The following SETX variants were observed in gnomAD, a reference collection of about 807,000 sequenced individuals.
SETX encodes senataxin.
A neutral mutation model predicts 227.2 loss-of-function variants in SETX; 90 were observed. That is an observed-to-expected ratio of 0.40 (90% confidence interval 0.33 to 0.47). The LOEUF (loss-of-function observed/expected upper bound fraction) is 0.47. Among genes scored for constraint, SETX ranks in the 20% least tolerant of loss-of-function variants. The pLI, the probability that SETX is intolerant of heterozygous loss-of-function variation, is 0.91. For missense variants in SETX, 3,052 were observed against 3,181.5 expected, an observed-to-expected ratio of 0.96 and a Z score of 0.98; for synonymous variants, 1,210 against 1,113.2, an observed-to-expected ratio of 1.09 and a Z score of -1.73.
At position 132,286,111 on chromosome 9, in the gene SETX, A is replaced by G. The variant is rs1843866454; in HGVS notation, c.6396+312T>C. ...GGCAGGAGAATCGCTTGAACCCGGGAGGCAGAGGTTGCAGTGAGCCAAGAT... is the reference window on the plus strand; with the variant it reads ...GGCAGGAGAATCGCTTGAACCCGGGGGGCAGAGGTTGCAGTGAGCCAAGAT... On this transcript the variant is annotated intron_variant, in intron 18 of 25. Coordinates refer to ENST00000224140, the MANE Select transcript of SETX (RefSeq NM_015046.7). 2.0e-5 allele frequency among the ~76,000 whole-genome samples: 3 copies of G among 148,526 alleles called. 1 individual carries two copies. In the Admixed American group the frequency reaches 2.1e-4, roughly 10 times the overall value.
chr9:132,330,547 G>T, intron 9 of SETX, 48 bp from the exon 10 acceptor site: 1 of 1,537,838 alleles, frequency 6.5e-7, no homozygotes, highest in Non-Finnish European at 8.9e-7. Context: ...CACCACTTAT[G>T]ACAGGTTCAA....
chr9:132,353,334 G>C (rs1184835), intron 2 of SETX, among the ~76,000 whole-genome samples: 3 of 151,790 alleles, frequency 2.0e-5, no homozygotes, highest in Non-Finnish European at 2.9e-5. Flanking sequence ...ACCTCTGCCC[G>C]GTACTTAACT....
chr9:132,283,237 A>AAGTTGTAT, intron 19 of SETX, 27 bp downstream of exon 19: 1 of 1,614,162 alleles, frequency 6.2e-7, no homozygotes. Context: ...GTAGTAGTCA[A>AAGTTGTAT]AGTTGTATGG....
intron 15 of SETX, among the ~76,000 whole-genome samples, chr9:132,289,658 C>A (rs566926855): frequency 3.2e-4 from 48 of 152,218 alleles, no homozygotes; most frequent in African/African-American, 1.1e-3. Context: ...GACCATCGAG[C>A]CTTCTTTTGC....
intron 3 of SETX, among the ~76,000 whole-genome samples, chr9:132,347,738 C>T (rs1324246170): frequency 6.6e-6 from 1 of 151,676 alleles, no homozygotes; most frequent in East Asian, 1.9e-4. Context: ...CTATGTCTTC[C>T]CTTCTATGTT....
chr9:132,352,510 G>T (rs1401078305), intron 2 of SETX, among the ~76,000 whole-genome samples: 2 of 152,156 alleles, frequency 1.3e-5, no homozygotes, highest in African/African-American at 4.8e-5. Context: ...CCAGCACTCT[G>T]GGAGGCCGAG....
upstream of SETX, among the ~76,000 whole-genome samples, chr9:132,356,377 T>C (rs916867727): frequency 2.0e-5 from 3 of 151,988 alleles, no homozygotes; most frequent in Non-Finnish European, 4.4e-5. Flanking sequence ...AATGTTCATG[T>C]TTTTAGTAGA....
At chr9:132,276,267 T>C (rs1480429605) in intron 22 of SETX, among the ~76,000 whole-genome samples, 1 of 152,204 alleles carries the variant, frequency 6.6e-6, no homozygotes, top group Non-Finnish European at 1.5e-5. Flanking sequence ...CGCAATCCTC[T>C]GCTCTCCTCC....
At chr9:132,304,640 AAAAAAAAG>A (rs1845215308) in intron 11 of SETX, among the ~76,000 whole-genome samples, 1 of 151,758 alleles carries the variant, frequency 6.6e-6, no homozygotes, top group African/African-American at 2.4e-5. Context: ...TTCAAAAAAA[AAAAAAAAG>A]AAAGAAAGAA....
At position 132,270,179 on chromosome 9, in the gene SETX, C is replaced by T. The variant is rs536845108; in HGVS notation, c.7200-477G>A. Among the ~76,000 whole-genome samples, 10 of 146,894 alleles carry T rather than the reference C, an allele frequency of 6.8e-5. No homozygotes were observed. In the East Asian group the frequency reaches 2.1e-3, roughly 30 times the overall value. On this transcript the variant is annotated intron_variant, in intron 24 of 25. Transcript: ENST00000224140. ...CATCCTCATGTGAGACACAGGTGGA[C>T]TCTAGAATGACTCAGCGTGCCCATG...
Position 132,300,714 on chromosome 9 carries a change from T to C in SETX, c.5464A>G (p.Lys1822Glu), listed in dbSNP as rs1249423284. The C allele has an allele frequency of 6.2e-7, 1 of 1,613,680 alleles. No homozygotes were observed. The highest frequency in any genetic ancestry group is 2.2e-5 in the East Asian group (1 of 44,818). Reference sequence around the variant, plus strand: ...ATGTCATTTCTCTCTGTATCTTTCTTCTCTTCATTTATTCTCTCAGGAGCT... The same window carrying C: ...ATGTCATTTCTCTCTGTATCTTTCTCCTCTTCATTTATTCTCTCAGGAGCT... ...FLAPERINEE[K>E]KDTERNDIQD... The change falls in exon 12 of 26, where the codon AAG becomes GAG. Residue 1822 changes from lysine to glutamate, a missense_variant. Physicochemically the swap from Lys to Glu is moderately conservative, Grantham distance 56. Around this residue, in one of 10 missense-constraint regions of SETX, gnomAD observed 239 missense variants for 272.1 expected, o/e 0.88. Transcript: ENST00000224140.
At chr9:132,268,836 A>G (rs535355798) in intron 25 of SETX, among the ~76,000 whole-genome samples, 1 of 152,322 alleles carries the variant, frequency 6.6e-6, no homozygotes, top group East Asian at 1.9e-4. Flanking sequence ...AGCTTTTAAA[A>G]CTTCCTTCAG....
chr9:132,288,586 T>G lies in SETX; in HGVS notation c.6172A>C (p.Lys2058Gln), dbSNP rs747309962. 4.8e-5 allele frequency: 77 copies of G among 1,613,880 alleles called. No homozygotes were observed. Among genetic ancestry groups the G allele is most frequent in the Non-Finnish European group, 6.4e-5 (76 of 1,179,858 alleles). ...TTTACTTGGCTGTCCAAACTGAACTTTAGAACCTCACTATTAATAGACTTT... is the reference window on the plus strand; with the variant it reads ...TTTACTTGGCTGTCCAAACTGAACTGTAGAACCTCACTATTAATAGACTTT... ...PEKSINSEVLKFSLDSQVNHR... is the reference protein window; with the variant it reads ...PEKSINSEVLQFSLDSQVNHR... The change falls in exon 16 of 26, where the codon AAG becomes CAG. Residue 2058 changes from lysine to glutamine, a missense_variant. By Grantham distance (53) the Lys-to-Gln change is moderately conservative (BLOSUM62 1). Transcript: ENST00000224140.
chr9:132,288,707 C>T, intron 15 of SETX, 56 bp from the exon 16 acceptor site: 1 of 1,082,760 alleles, frequency 9.2e-7, no homozygotes, highest in Non-Finnish European at 1.4e-6. Flanking sequence ...TCAATCCTGT[C>T]TCTATACATA....
At chr9:132,332,997 T>C (rs770040330) in intron 7 of SETX, among the ~76,000 whole-genome samples, 4 of 151,570 alleles carry the variant, frequency 2.6e-5, no homozygotes, top group Non-Finnish European at 4.4e-5. Flanking sequence ...GAATTATACA[T>C]GTAGTTAGGC....
intron 11 of SETX, among the ~76,000 whole-genome samples, chr9:132,309,238 C>T (rs192871200): frequency 6.6e-6 from 1 of 152,234 alleles, no homozygotes; most frequent in Admixed American, 6.5e-5. Flanking sequence ...GTGATATGAG[C>T]CCAAGGGTAG....
intron 18 of SETX, 82 bp from the exon 19 acceptor site, chr9:132,283,495 C>G: frequency 6.7e-7 from 1 of 1,486,264 alleles, no homozygotes; most frequent in South Asian, 1.1e-5. Context: ...ATAAAACACT[C>G]ACTATTTATT....
intron 11 of SETX, among the ~76,000 whole-genome samples, chr9:132,302,122 C>T (rs1845030696): frequency 1.3e-5 from 2 of 152,124 alleles, no homozygotes; most frequent in Admixed American, 6.5e-5. Context: ...CTCTGGGAGG[C>T]CAAGGCAGGT....
chr9:132,340,074 C>T (rs966345680), intron 5 of SETX, among the ~76,000 whole-genome samples: 1 of 151,846 alleles, frequency 6.6e-6, no homozygotes, highest in Admixed American at 6.6e-5. Flanking sequence ...TCATTCTGGT[C>T]TTCTAATACA....
Sources: allele counts gnomAD v4.1 joint callset (sites outside exome capture counted in the v4.1 genomes callset), GRCh38; gene constraint gnomAD v4.1.1; regional missense constraint gnomAD v4.1.1; transcripts MANE v1.5; gene names NCBI Gene and HGNC (gene_info 2026-07-23, HGNC 2026-07-21).